ART3: variants seen among roughly 807,000 people sequenced by gnomAD.
The protein encoded by ART3 is ADP-ribosyltransferase 3 (inactive).
ART3 carries 49 observed loss-of-function variants against 48.5 expected under a neutral mutation model. The ratio of observed to expected loss-of-function variants is 1.01; its 90% CI spans 0.80 to 1.28. The LOEUF (loss-of-function observed/expected upper bound fraction) is 1.28. Among genes scored for constraint, ART3 ranks in the 50% most tolerant of loss-of-function variants. The pLI is 0.00. For missense variants in ART3, 438 were observed against 454.3 expected (o/e 0.96, Z 0.33); for synonymous variants, 145 against 157.2 (o/e 0.92, Z 0.58).
chr4:76,091,679 C>CTT (rs869226732), intron 3 of ART3, among the ~76,000 whole-genome samples: 67 of 112,280 alleles, frequency 6.0e-4, no homozygotes, highest in African/African-American at 1.7e-3. Context: ...TGTAGCTTAT[C>CTT]TTTTTTTTTT....
chr4:76,112,075 A>G, intron 11 of ART3: 1 of 247,912 alleles, frequency 4.0e-6, no homozygotes, highest in South Asian at 1.1e-4. Flanking sequence ...AATTTCTATT[A>G]TCAGTAAGGC....
chr4:76,038,959 G>C (rs1449906015), intron 1 of ART3, among the ~76,000 whole-genome samples: 2 of 152,148 alleles, frequency 1.3e-5, no homozygotes, highest in African/African-American at 4.8e-5. Flanking sequence ...CTAACCTCAG[G>C]TGATCCTGCC....
intron 3 of ART3, among the ~76,000 whole-genome samples, chr4:76,086,935 G>C (rs893061360): frequency 5.3e-5 from 8 of 152,142 alleles, no homozygotes; most frequent in African/African-American, 1.9e-4. Context: ...CTGCAAACCA[G>C]GGTCTCCCTC....
At chr4:76,106,282 A>T (rs1728451551) in intron 10 of ART3, 1 of 985,284 alleles carries the variant, frequency 1.0e-6, no homozygotes, top group Admixed American at 6.2e-5. Flanking sequence ...AGCTGTTAAA[A>T]TATGGTAATA....
At chr4:76,017,656 C>T (rs760386216) in intron 1 of ART3, among the ~76,000 whole-genome samples, 9 of 152,184 alleles carry the variant, frequency 5.9e-5, no homozygotes, top group Non-Finnish European at 8.8e-5. Flanking sequence ...AGCACTAGGA[C>T]TGCCTAGGAC....
chr4:76,059,852 A>T (rs1488802343), intron 1 of ART3, among the ~76,000 whole-genome samples: 1 of 152,230 alleles, frequency 6.6e-6, no homozygotes, highest in Non-Finnish European at 1.5e-5. Flanking sequence ...TGAAGAATAC[A>T]GAATAAACCA....
chr4:76,021,440 T>C (rs1732800166), intron 1 of ART3: 1 of 155,050 alleles, frequency 6.4e-6, no homozygotes, highest in African/African-American at 2.4e-5. Flanking sequence ...CTGTATGTGT[T>C]TGGAATTGTA....
chr4:76,079,176 T>TA (rs35036561), intron 2 of ART3, among the ~76,000 whole-genome samples: 14,840 of 130,808 alleles, frequency 0.11, 1,135 homozygotes, highest in African/African-American at 0.19. Flanking sequence ...TCATCTTTGT[T>TA]AAAAAAAAAA....
chr4:76,025,076 T>C (rs1474660182), intron 1 of ART3, among the ~76,000 whole-genome samples: 1 of 152,156 alleles, frequency 6.6e-6, no homozygotes. Context: ...TGGAATTAGC[T>C]GTGGGAAACC....
At chr4:76,105,566 T>A (rs1728288644) in intron 10 of ART3, 3 of 1,288,424 alleles carry the variant, frequency 2.3e-6, no homozygotes, top group Non-Finnish European at 2.0e-6. Context: ...TAATATATTC[T>A]TTATTGGGGG....
intron 1 of ART3, chr4:76,022,708 A>C: frequency 6.2e-7 from 1 of 1,613,858 alleles, no homozygotes; most frequent in Non-Finnish European, 8.5e-7. Context: ...CAACACGTGG[A>C]CAAAATTGGC....
intron 4 of ART3, 41 bp downstream of exon 4, chr4:76,097,717 T>C (rs1726328525): frequency 1.3e-6 from 2 of 1,503,824 alleles, no homozygotes; most frequent in East Asian, 4.5e-5. Flanking sequence ...ATAGGAATTT[T>C]ATCAGTTACT....
chr4:76,036,462 T>G (rs1734418758), intron 1 of ART3, among the ~76,000 whole-genome samples: 1 of 152,100 alleles, frequency 6.6e-6, no homozygotes, highest in Admixed American at 6.5e-5. Context: ...TTTTATTATC[T>G]CACTTTTGCT....
intron 9 of ART3, 53 bp downstream of exon 9, chr4:76,104,022 T>C: frequency 6.4e-7 from 1 of 1,553,370 alleles, no homozygotes; most frequent in Non-Finnish European, 8.9e-7. Flanking sequence ...TGAGCAGGAT[T>C]CCCAGGCATT....
chr4:76,052,875 T>G (rs776364259), intron 1 of ART3, among the ~76,000 whole-genome samples: 3 of 152,074 alleles, frequency 2.0e-5, no homozygotes, highest in Non-Finnish European at 2.9e-5. Flanking sequence ...ATTACAGGCC[T>G]GTGCCACCGC....
At chr4:76,064,047 A>G (rs1719477971) in intron 1 of ART3, among the ~76,000 whole-genome samples, 1 of 152,226 alleles carries the variant, frequency 6.6e-6, no homozygotes, top group Non-Finnish European at 1.5e-5. Flanking sequence ...TAAAAAAATA[A>G]AACCACTGTA....
At chr4:76,040,104 C>T (rs529267759) in intron 1 of ART3, among the ~76,000 whole-genome samples, 2 of 152,302 alleles carry the variant, frequency 1.3e-5, no homozygotes, top group South Asian at 4.2e-4. Context: ...GCAGGCGGAT[C>T]ACTTGAGGTC....
chr4:76,076,831 A>C (rs1241481955), intron 2 of ART3, among the ~76,000 whole-genome samples: 5 of 152,022 alleles, frequency 3.3e-5, no homozygotes, highest in Admixed American at 3.3e-4. Context: ...AAAATATAAT[A>C]TTTCACTTGA....
At chr4:76,093,468 C>T (rs1418212122) in intron 3 of ART3, among the ~76,000 whole-genome samples, 1 of 152,068 alleles carries the variant, frequency 6.6e-6, no homozygotes, top group Non-Finnish European at 1.5e-5. Context: ...GTTGAGTCCT[C>T]CGCACCTCGC....
Sources: allele counts gnomAD v4.1 joint callset (sites outside exome capture counted in the v4.1 genomes callset), GRCh38; gene constraint gnomAD v4.1.1; transcripts MANE v1.5; gene names NCBI Gene and HGNC (gene_info 2026-07-23, HGNC 2026-07-21).